Variants in STAG2 observed in about 807,000 individuals in gnomAD.
STAG2 encodes the protein STAG2 cohesin complex component.
A neutral mutation model predicts 108.1 loss-of-function variants in STAG2; 14 were observed. The observed-to-expected ratio is 0.13, with a 90% CI of 0.09 to 0.20. STAG2 has a LOEUF of 0.20. Among genes scored for constraint, STAG2 ranks in the 10% least tolerant of loss-of-function variants. The pLI, the probability that STAG2 is intolerant of heterozygous loss-of-function variation, is 1.00. For missense variants in STAG2, 440 were observed against 940.9 expected (o/e 0.47, Z 6.96); for synonymous variants, 307 against 302.7 (o/e 1.01, Z -0.15).
chrX:124,020,152 T>G (rs2056876428), intron 1 of STAG2, among the ~76,000 whole-genome samples: 2 of 112,540 alleles, frequency 1.8e-5, no homozygotes, highest in African/African-American at 6.4e-5. Context: ...TTTAGAAGAA[T>G]CCAGTATATC....
intron 27 of STAG2, among the ~76,000 whole-genome samples, chrX:124,079,490 A>G (rs1055517088): frequency 9.0e-6 from 1 of 111,322 alleles, no homozygotes; most frequent in Non-Finnish European, 1.9e-5. Flanking sequence ...ATTAAAATTA[A>G]TAAAATGTAG....
chrX:124,086,414 A>G (rs745935548), intron 29 of STAG2, 133 bp from the exon 30 acceptor site: 2 of 471,451 alleles, frequency 4.2e-6, no homozygotes, highest in African/African-American at 2.4e-5. Context: ...CTTGGCAGAG[A>G]CAACATTGTT....
rs1016751086 is a variant in STAG2 at position 124,101,748 on chromosome X, A to G, written c.*1151A>G. The G allele has an allele frequency of 4.4e-5, 7 of 160,842 alleles. No individual in the cohort carries two copies. Among genetic ancestry groups the G allele is most frequent in the African/African-American group, 9.0e-5 (3 of 33,176 alleles). The allele number at this position is 160,842 out of a possible 1,213,427, so 13.3% of individuals were successfully genotyped here. On this transcript the variant is annotated 3_prime_UTR_variant, in exon 35 of 35. Transcript: ENST00000371145. ...TACAGTACATTTCCTCTGTATGTAA[A>G]TTAGATGGGATAATAGAATTCATAA...
At chrX:124,022,438 G>A (rs923586009) in intron 2 of STAG2, 93 bp from the exon 3 acceptor site, 3 of 369,123 alleles carry the variant, frequency 8.1e-6, no homozygotes, top group Non-Finnish European at 1.4e-5. Context: ...AAACACATTA[G>A]TAGGCACTGG....
intron 1 of STAG2, among the ~76,000 whole-genome samples, chrX:123,973,518 G>GA (rs1322579898): frequency 1.1e-5 from 1 of 87,214 alleles, no homozygotes; most frequent in African/African-American, 4.7e-5. Context: ...CTCCAGCCTG[G>GA]CAACAGAGTG....
intron 1 of STAG2, among the ~76,000 whole-genome samples, chrX:123,967,236 A>G (rs1489178048): frequency 1.0e-5 from 1 of 96,770 alleles, no homozygotes; most frequent in Non-Finnish European, 2.1e-5. Context: ...GAAAGAGAGG[A>G]TGAATAATGT....
intron 32 of STAG2, among the ~76,000 whole-genome samples, chrX:124,092,301 A>G (rs1031712079): frequency 9.0e-6 from 1 of 111,590 alleles, no homozygotes; most frequent in Non-Finnish European, 1.9e-5. Context: ...GTCATCATCT[A>G]TATTGTCACA....
intron 7 of STAG2, 116 bp downstream of exon 7, chrX:124,042,761 C>A: frequency 1.8e-6 from 1 of 544,167 alleles, no homozygotes; most frequent in Non-Finnish European, 3.0e-6. Context: ...GCCTGTAATC[C>A]CACACTTTCA....
At chrX:123,961,479 G>A (rs1339079535), upstream of STAG2, 1 of 110,045 alleles carries the variant, frequency 9.1e-6, no homozygotes, top group African/African-American at 3.3e-5. Context: ...AAAGCCGGGA[G>A]GCTGTGGTTG....
intron 13 of STAG2, among the ~76,000 whole-genome samples, chrX:124,051,812 G>T (rs575869860): frequency 9.0e-6 from 1 of 111,050 alleles, no homozygotes; most frequent in African/African-American, 3.3e-5. Flanking sequence ...GGATGGTCTC[G>T]ATCTCCTGAC....
At chrX:124,094,607 T>C (rs1022177935) in intron 33 of STAG2, among the ~76,000 whole-genome samples, 4 of 111,683 alleles carry the variant, frequency 3.6e-5, no homozygotes, top group African/African-American at 1.3e-4. Context: ...GTATTCTTTA[T>C]TAATAATTAA....
At chrX:124,082,518 T>G (rs778774641) in intron 28 of STAG2, among the ~76,000 whole-genome samples, 3 of 111,552 alleles carry the variant, frequency 2.7e-5, no homozygotes, top group Non-Finnish European at 5.6e-5. Flanking sequence ...TATGCTGCTC[T>G]TGTTTAAGTT....
At chrX:124,028,791 AGTT>A (rs2057193104) in intron 4 of STAG2, among the ~76,000 whole-genome samples, 1 of 41,590 alleles carries the variant, frequency 2.4e-5, no homozygotes, top group African/African-American at 9.5e-5. Context: ...CTCTAAGAAT[AGTT>A]TATATATATA....
intron 29 of STAG2, among the ~76,000 whole-genome samples, chrX:124,085,234 G>A (rs1363224589): frequency 8.9e-6 from 1 of 111,848 alleles, no homozygotes; most frequent in Non-Finnish European, 1.9e-5. Flanking sequence ...TGTGCATGGG[G>A]GTGATAAGTA....
chrX:124,085,994 C>T (rs990050426), intron 29 of STAG2, among the ~76,000 whole-genome samples: 1 of 110,895 alleles, frequency 9.0e-6, no homozygotes, highest in Non-Finnish European at 1.9e-5. Flanking sequence ...CCTTATAGAA[C>T]TCTTGGTGTC....
At chrX:123,988,402 T>C (rs2055296635) in intron 1 of STAG2, among the ~76,000 whole-genome samples, 1 of 111,037 alleles carries the variant, frequency 9.0e-6, no homozygotes, top group Non-Finnish European at 1.9e-5. Context: ...TGTAAATAAA[T>C]CTTAATGGAC....
intron 1 of STAG2, among the ~76,000 whole-genome samples, chrX:123,974,701 C>CT (rs2054540830): frequency 9.3e-6 from 1 of 107,857 alleles, no homozygotes; most frequent in Admixed American, 1.0e-4. Context: ...GCTTCAGCCT[C>CT]TTGAGTAGCT....
chrX:124,050,039 C>T, intron 10 of STAG2, 147 bp from the exon 11 acceptor site: 1 of 654,545 alleles, frequency 1.5e-6, no homozygotes, highest in African/African-American at 2.3e-5. Context: ...CATTCAGGCC[C>T]ATGCTTCATT....
intron 1 of STAG2, among the ~76,000 whole-genome samples, chrX:123,991,826 A>G (rs1439086947): frequency 9.1e-6 from 1 of 110,443 alleles, no homozygotes; most frequent in Non-Finnish European, 1.9e-5. Context: ...CACCACGCCC[A>G]GCTAATTTTG....
Sources: gnomAD v4.1 joint callset for allele counts (sites outside exome capture counted in the v4.1 genomes callset) on GRCh38, gnomAD v4.1.1 for gene constraint, MANE v1.5 for transcripts, NCBI Gene and HGNC (gene_info 2026-07-23, HGNC 2026-07-21) for gene names.